Variants in SMAD5 observed in about 807,000 individuals in gnomAD.
The protein encoded by SMAD5 is MAD, mothers against decapentaplegic homolog 5.
SMAD5 carries 9 observed loss-of-function variants against 43.1 expected under a neutral mutation model. That is an observed-to-expected ratio of 0.21 (90% CI 0.13 to 0.36). SMAD5 has a LOEUF of 0.36. Among genes scored for constraint, SMAD5 ranks in the 10% least tolerant of loss-of-function variants. The pLI is 1.00. For synonymous variants in SMAD5, 190 were observed against 192.4 expected (o/e 0.99, Z 0.10); for missense variants, 348 against 574.0 (o/e 0.61, Z 4.02).
chr5:136,171,607 A>G (rs925000848), intron 5 of SMAD5, among the ~76,000 whole-genome samples: 4 of 152,154 alleles, frequency 2.6e-5, no homozygotes, highest in Admixed American at 2.6e-4. Context: ...GGGAACGTCT[A>G]TCCTGTGTCT....
chr5:136,146,051 T>C (rs1268285660), intron 1 of SMAD5, among the ~76,000 whole-genome samples: 1 of 151,900 alleles, frequency 6.6e-6, no homozygotes, highest in Non-Finnish European at 1.5e-5. Context: ...AGTTGTTCTA[T>C]TAATTTGTGA....
chr5:136,159,360 C>T (rs1311791520), intron 3 of SMAD5, among the ~76,000 whole-genome samples: 1 of 151,990 alleles, frequency 6.6e-6, no homozygotes, highest in Admixed American at 6.5e-5. Context: ...AATTTGTTTT[C>T]TATAGAAACA....
At chr5:136,166,463 C>G (rs1754016986) in intron 5 of SMAD5, among the ~76,000 whole-genome samples, 1 of 152,170 alleles carries the variant, frequency 6.6e-6, no homozygotes, top group East Asian at 1.9e-4. Context: ...ATCAAGAAAT[C>G]TCATTATATT....
chr5:136,162,655 C>T lies in SMAD5; in HGVS notation c.656-617C>T, dbSNP rs533022916. ...CTGAGACAAAAAAGTATAGCTGTAGCTTTTGCAAAATTTTCAACTATGAGT... is the reference window on the plus strand; with the variant it reads ...CTGAGACAAAAAAGTATAGCTGTAGTTTTTGCAAAATTTTCAACTATGAGT... On this transcript the variant is annotated intron_variant, in intron 4 of 7. Transcript: ENST00000545279. 3.3e-5 allele frequency among the ~76,000 whole-genome samples: 5 copies of T among 152,280 alleles called. No individual in the cohort carries two copies. The South Asian group carries it at 1.0e-3, about 32-fold the overall frequency.
At chr5:136,136,693 C>T (rs1231488350) in intron 1 of SMAD5, among the ~76,000 whole-genome samples, 1 of 152,052 alleles carries the variant, frequency 6.6e-6, no homozygotes, top group Non-Finnish European at 1.5e-5. Context: ...CATAAATAAT[C>T]AGCTAGTTCT....
chr5:136,166,560 T>C (rs1272247851), intron 5 of SMAD5, among the ~76,000 whole-genome samples: 3 of 152,198 alleles, frequency 2.0e-5, no homozygotes, highest in South Asian at 2.1e-4. Context: ...TCTCTACTTA[T>C]TTGCTTTGCA....
At chr5:136,177,069 T>TA (rs898956661) in intron 7 of SMAD5, among the ~76,000 whole-genome samples, 6 of 152,054 alleles carry the variant, frequency 3.9e-5, no homozygotes, top group African/African-American at 9.7e-5. Context: ...TTTCTAAGAT[T>TA]AAAAAAAATT....
Position 136,138,285 on chromosome 5 carries a change from A to G in SMAD5, c.-245+5323A>G, listed in dbSNP as rs912873892. ...TATGCAGTGAGAAGTGTTGGGAATC[A>G]TGAGTTCAGCTCCTGAAGGGCTTTG... On this transcript the variant is annotated intron_variant, in intron 1 of 7. Transcript: ENST00000545279. 4.6e-5 allele frequency among the ~76,000 whole-genome samples: 7 copies of G among 152,228 alleles called. No homozygotes were observed. The South Asian group carries it at 6.2e-4, about 13-fold the overall frequency.
rs1413100736 is a variant in SMAD5, at chr5:136,178,491, G to A, written c.*1011G>A. 1 of 152,242 alleles carries A rather than the reference G, an allele frequency of 6.6e-6. No individual in the cohort carries two copies. The highest frequency in any genetic ancestry group is 1.5e-5 in the Non-Finnish European group (1 of 68,004). The allele number at this position is 152,242 out of a possible 1,614,324, so 9.4% of individuals were successfully genotyped here. A position where few individuals can be genotyped will look rare whatever the true frequency, so the allele number is the denominator to read the frequency against. ...GAAGTTATGCTTTTTTCTGGTTTTTGTTTTACTTTCAACCTAGGTTATAAG... is the reference window on the plus strand; with the variant it reads ...GAAGTTATGCTTTTTTCTGGTTTTTATTTTACTTTCAACCTAGGTTATAAG... On this transcript the variant is annotated 3_prime_UTR_variant, in exon 8 of 8. Transcript: ENST00000545279.
intron 5 of SMAD5, among the ~76,000 whole-genome samples, chr5:136,170,966 TCAGTTCTTTCTTATTTTTA>T (rs1480513528): frequency 6.6e-6 from 1 of 152,190 alleles, no homozygotes; most frequent in Admixed American, 6.5e-5. Context: ...AATTTTTTGG[TCAGTTCTTTCTTATTTTTA>T]CATAGACAAT....
intron 3 of SMAD5, among the ~76,000 whole-genome samples, chr5:136,155,737 C>T (rs745353174): frequency 1.5e-4 from 23 of 152,120 alleles, no homozygotes; most frequent in Non-Finnish European, 2.2e-4. Flanking sequence ...CTCAAATATC[C>T]GCATCACTAA....
intron 5 of SMAD5, among the ~76,000 whole-genome samples, chr5:136,164,392 C>T (rs939173141): frequency 6.6e-6 from 1 of 152,134 alleles, no homozygotes; most frequent in Admixed American, 6.5e-5. Context: ...TCTCTGCATC[C>T]TCCTAACACC....
chr5:136,178,190 T>C lies in SMAD5; in HGVS notation c.*710T>C, dbSNP rs528171832. 1.4e-3 allele frequency: 208 copies of C among 152,824 alleles called. No homozygotes were observed. Among genetic ancestry groups the C allele is most frequent in the Middle Eastern group, 0.014 (4 of 294 alleles). The allele number at this position is 152,824 out of a possible 1,614,324, so 9.5% of individuals were successfully genotyped here. A position where few individuals can be genotyped will look rare whatever the true frequency, so the allele number is the denominator to read the frequency against. On this transcript the variant is annotated 3_prime_UTR_variant, in exon 8 of 8. Transcript: ENST00000545279. ...TTGCAAATAACTGATCTCAAGTATA[T>C]GTCATTTACTCAAAATCTGTCATAA...
chr5:136,177,564 C>T lies in SMAD5; in HGVS notation c.*84C>T, dbSNP rs1177449124. 1.0e-6 allele frequency: 1 copy of T among 998,724 alleles called. No individual in the cohort carries two copies. Among genetic ancestry groups the T allele is most frequent in the Non-Finnish European group, 1.5e-6 (1 of 683,096 alleles). 61.9% of individuals were successfully genotyped at this position (998,724 alleles called of 1,614,324 possible). A position where few individuals can be genotyped will look rare whatever the true frequency, so the allele number is the denominator to read the frequency against. On this transcript the variant is annotated 3_prime_UTR_variant, in exon 8 of 8. Transcript: ENST00000545279. The stretch of plus-strand genomic sequence containing the variant: ...TTTGAGTACAGATACTGTGAGCTTA[C>T]ATTGAAAACAGATATTACAGCTTAT...
At chr5:136,167,603 AT>A (rs1226592923) in intron 5 of SMAD5, among the ~76,000 whole-genome samples, 1 of 151,896 alleles carries the variant, frequency 6.6e-6, no homozygotes, top group African/African-American at 2.4e-5. Flanking sequence ...ACATAGTGAA[AT>A]CCCATCTCTA....
chr5:136,150,634 A>G (rs956502299), intron 2 of SMAD5, among the ~76,000 whole-genome samples: 1 of 151,938 alleles, frequency 6.6e-6, no homozygotes, highest in Non-Finnish European at 1.5e-5. Flanking sequence ...AATGACTAAG[A>G]TTTCTCTTGG....
intron 1 of SMAD5, among the ~76,000 whole-genome samples, chr5:136,141,086 G>T (rs1753064456): frequency 6.6e-6 from 1 of 151,976 alleles, no homozygotes; most frequent in Non-Finnish European, 1.5e-5. Context: ...GATCAGGGAA[G>T]GTATCTGGGA....
At chr5:136,158,288 T>C (rs1401354829) in intron 3 of SMAD5, among the ~76,000 whole-genome samples, 1 of 151,900 alleles carries the variant, frequency 6.6e-6, no homozygotes. Context: ...CTGAAAACTT[T>C]CCAGAAAAGA....
rs1754656585 is a variant in SMAD5, at chr5:136,182,291, T to A, written c.*4811T>A. ...TCCCTTCTAATATCATTGAAGATGA[T>A]GTTGCATTGATTTATTCATAAAGTA... On this transcript the variant is annotated 3_prime_UTR_variant, in exon 8 of 8. Transcript: ENST00000545279. The A allele has an allele frequency of 6.6e-6, 1 of 152,066 alleles. No individual in the cohort carries two copies. Among genetic ancestry groups the A allele is most frequent in the African/African-American group, 2.4e-5 (1 of 41,414 alleles). 9.4% of individuals were successfully genotyped at this position (152,066 alleles called of 1,614,324 possible).
Sources: allele counts gnomAD v4.1 joint callset (sites outside exome capture counted in the v4.1 genomes callset), GRCh38; gene constraint gnomAD v4.1.1; transcripts MANE v1.5; gene names NCBI Gene and HGNC (gene_info 2026-07-23, HGNC 2026-07-21).